LANCL1: variants seen among roughly 807,000 people sequenced by gnomAD.
The protein encoded by LANCL1 is LanC like glutathione S-transferase 1.
In LANCL1, 50 loss-of-function variants were observed where a neutral mutation model predicts 50.6. That is an observed-to-expected ratio of 0.99 (90% CI 0.79 to 1.25). The LOEUF (loss-of-function observed/expected upper bound fraction) is 1.25. LANCL1 is among the 50% of genes most tolerant of loss of function. The pLI, the probability that LANCL1 is intolerant of heterozygous loss-of-function variation, is 0.00. For missense variants in LANCL1, 532 were observed against 480.7 expected (o/e 1.11, Z -1.00); for synonymous variants, 188 against 178.6 (o/e 1.05, Z -0.42).
intron 4 of LANCL1, among the ~76,000 whole-genome samples, chr2:210,454,481 C>G (rs1693605589): frequency 1.3e-5 from 2 of 152,256 alleles, no homozygotes; most frequent in Middle Eastern, 3.4e-3. Flanking sequence ...CAGGGACAGT[C>G]ACTGGTTAAA....
At chr2:210,463,992 C>T (rs1335089319) in intron 3 of LANCL1, among the ~76,000 whole-genome samples, 1 of 152,200 alleles carries the variant, frequency 6.6e-6, no homozygotes, top group Non-Finnish European at 1.5e-5. Context: ...TTCATACCCT[C>T]TGCTTCAATT....
intron 4 of LANCL1, among the ~76,000 whole-genome samples, chr2:210,452,530 A>G (rs529416888): frequency 6.6e-6 from 1 of 152,278 alleles, no homozygotes; most frequent in Admixed American, 6.5e-5. Context: ...CAATTTGAAC[A>G]TGAACATACA....
At chr2:210,454,677 A>G (rs1373254139) in intron 4 of LANCL1, among the ~76,000 whole-genome samples, 1 of 152,132 alleles carries the variant, frequency 6.6e-6, no homozygotes, top group Admixed American at 6.5e-5. Context: ...GGACCACCAT[A>G]ATTTATACCA....
At chr2:210,440,857 G>A (rs952589376) in intron 5 of LANCL1, 113 bp from the exon 6 acceptor site, 2 of 887,778 alleles carry the variant, frequency 2.3e-6, no homozygotes, top group Admixed American at 5.3e-5. Context: ...TTAGACACCA[G>A]CTTATAGCCA....
intron 3 of LANCL1, among the ~76,000 whole-genome samples, chr2:210,469,451 T>G (rs1377872043): frequency 6.6e-6 from 1 of 152,220 alleles, no homozygotes; most frequent in Non-Finnish European, 1.5e-5. Flanking sequence ...TTTTTAACAG[T>G]GTTCGATTAG....
intron 4 of LANCL1, among the ~76,000 whole-genome samples, chr2:210,452,613 T>C (rs1257263635): frequency 6.6e-6 from 1 of 152,110 alleles, no homozygotes; most frequent in Non-Finnish European, 1.5e-5. Flanking sequence ...TTGAATATAA[T>C]TTGGGGGTTT....
chr2:210,448,987 C>T (rs185025796), intron 4 of LANCL1, among the ~76,000 whole-genome samples: 1 of 152,292 alleles, frequency 6.6e-6, no homozygotes, highest in East Asian at 1.9e-4. Context: ...AAAAGGGACT[C>T]CTCCCTAACT....
chr2:210,437,723 A>G lies in LANCL1; in HGVS notation c.840T>C (p.Pro280=). 6.2e-7 allele frequency: 1 copy of G among 1,610,416 alleles called. No individual in the cohort carries two copies. Among genetic ancestry groups the G allele is most frequent in the East Asian group, 2.2e-5 (1 of 44,662 alleles). ...DLLVHWCHGA[P]GVIYMLIQAY... The stretch of plus-strand genomic sequence containing the variant: ...CCTGGATGAGCATGTAGATTACCCC[A>G]GGGGCGCCATGGCACCAATGGACAA... Residue 280 remains proline (P), a synonymous_variant, in exon 7 of 10, where the codon CCT becomes CCC. Transcript: ENST00000450366.
chr2:210,439,941 A>C (rs545191806), intron 6 of LANCL1, among the ~76,000 whole-genome samples: 24 of 152,338 alleles, frequency 1.6e-4, no homozygotes, highest in Non-Finnish European at 2.8e-4. Context: ...GTTTCTCCTT[A>C]AGGAGAGCTT....
At chr2:210,441,035 T>C (rs939575354) in intron 5 of LANCL1, among the ~76,000 whole-genome samples, 3 of 152,192 alleles carry the variant, frequency 2.0e-5, no homozygotes, top group Non-Finnish European at 2.9e-5. Flanking sequence ...AGATCCTCCA[T>C]CTGGGAGGTG....
At position 210,476,360 on chromosome 2, in the gene LANCL1, A is replaced by C. The variant is rs962032074; in HGVS notation, c.37T>G (p.Tyr13Asp). Residue 13 changes from tyrosine (Y) to aspartate (D), a missense_variant, in exon 2 of 10, where the codon TAT becomes GAT. Physicochemically the swap from Tyr to Asp is radical, Grantham distance 160. Coordinates refer to ENST00000450366, the MANE Select transcript of LANCL1 (RefSeq NM_006055.3). ...QRAFPNPYADYNKSLAEGYFD... is the reference protein window; with the variant it reads ...QRAFPNPYADDNKSLAEGYFD... ...TAGCCTTCGGCCAGGGATTTGTTAT[A>C]ATCAGCATAAGGATTCGGGAAGGCC... is the stretch of plus-strand genomic sequence containing the variant. 2 of 1,614,012 alleles carry C rather than the reference A, an allele frequency of 1.2e-6. No homozygotes were observed. The highest frequency in any genetic ancestry group is 2.2e-5 in the East Asian group (1 of 44,890).
In LANCL1 at chr2:210,437,681, A is replaced by G. The variant is rs758907176; in HGVS notation, c.873+9T>C. The G allele has an allele frequency of 6.7e-7, 1 of 1,497,292 alleles. No homozygotes were observed. Among genetic ancestry groups the G allele is most frequent in the East Asian group, 2.4e-5 (1 of 41,976 alleles). 92.8% of individuals were successfully genotyped at this position (1,497,292 alleles called of 1,614,324 possible). On this transcript the variant is annotated intron_variant, in intron 7 of 9. Transcript: ENST00000450366. ...TTAAAAAAATTTATTTCAAAAATAC[A>G]CACAGTACCTTATAGGCCTGGATGA... is the stretch of plus-strand genomic sequence containing the variant.
intron 3 of LANCL1, among the ~76,000 whole-genome samples, chr2:210,458,452 C>T (rs1693734082): frequency 6.6e-6 from 1 of 152,098 alleles, no homozygotes; most frequent in Non-Finnish European, 1.5e-5. Flanking sequence ...AAAAGTTCAC[C>T]ATAACTGCAC....
rs568983336 is a variant in LANCL1 at position 210,441,415 on chromosome 2, G to A, written c.436C>T (p.His146Tyr). 7 of 1,611,530 alleles carry A rather than the reference G, an allele frequency of 4.3e-6. No individual in the cohort carries two copies. The highest frequency in any genetic ancestry group is 1.7e-4 in the Middle Eastern group (1 of 6,050). ...RLIHLNKIDPHAPNEMLYGRI... is the reference protein window; with the variant it reads ...RLIHLNKIDPYAPNEMLYGRI... ...CCATAGAGCATTTCATTTGGAGCATGAGGATCAATCTTATTTAGGTGAATT... is the reference window on the plus strand; with the variant it reads ...CCATAGAGCATTTCATTTGGAGCATAAGGATCAATCTTATTTAGGTGAATT... Residue 146 changes from histidine to tyrosine, a missense_variant, in exon 5 of 10, where the codon CAT becomes TAT. His to Tyr is a moderately conservative substitution (Grantham distance 83, BLOSUM62 2). Coordinates refer to ENST00000450366, the MANE Select transcript of LANCL1 (RefSeq NM_006055.3).
chr2:210,463,936 C>T (rs574337069), intron 3 of LANCL1, among the ~76,000 whole-genome samples: 4 of 152,180 alleles, frequency 2.6e-5, no homozygotes, highest in Non-Finnish European at 4.4e-5. Context: ...GTGGAAATGA[C>T]GTTTGAGTTC....
chr2:210,476,479 G>GC (rs1694380570), intron 1 of LANCL1, 67 bp from the exon 2 acceptor site: 1 of 1,333,564 alleles, frequency 7.5e-7, no homozygotes, highest in Non-Finnish European at 9.7e-7. Flanking sequence ...CGAGGGCGGC[G>GC]GCGGCGCCCA....
chr2:210,442,652 T>C (rs957994762), intron 4 of LANCL1: 3 of 152,104 alleles, frequency 2.0e-5, no homozygotes, highest in African/African-American at 4.8e-5. Context: ...AACAGTAACA[T>C]GCAAAAAGGG....
intron 2 of LANCL1, 56 bp downstream of exon 2, chr2:210,476,260 C>A: frequency 7.5e-7 from 1 of 1,340,576 alleles, no homozygotes; most frequent in Non-Finnish European, 1.1e-6. Context: ...AAATGAGCAC[C>A]TTTCCGAACA....
chr2:210,437,883 G>C lies in LANCL1; in HGVS notation c.691-11C>G. On this transcript the variant is annotated splice_polypyrimidine_tract_variant and intron_variant, in intron 6 of 9. Transcript: ENST00000450366. ...CACTTGAAGGCTGGGCTAAAAATGA[G>C]AAGGAAATTATTAGTTCTGCTGAAG... 2 of 1,574,802 alleles carry C rather than the reference G, an allele frequency of 1.3e-6. No homozygotes were observed. Among genetic ancestry groups the C allele is most frequent in the Non-Finnish European group, 8.6e-7 (1 of 1,162,040 alleles).
Sources: allele counts gnomAD v4.1 joint callset (sites outside exome capture counted in the v4.1 genomes callset), GRCh38; gene constraint gnomAD v4.1.1; transcripts MANE v1.5; gene names NCBI Gene and HGNC (gene_info 2026-07-23, HGNC 2026-07-21).